The following ATG10 variants were observed in gnomAD, a reference collection of about 807,000 sequenced individuals.
The protein encoded by ATG10 is autophagy related 10, also known as ubiquitin-like-conjugating enzyme ATG10.
A neutral mutation model predicts 32.1 loss-of-function variants in ATG10; 30 were observed. The ratio of observed to expected loss-of-function variants is 0.94; its 90% CI spans 0.70 to 1.27. ATG10 has a LOEUF of 1.27. Ranked by LOEUF, ATG10 falls within the 50% of genes most tolerant of loss-of-function variation. The pLI is 0.00. For synonymous variants in ATG10, 87 were observed against 91.5 expected, an observed-to-expected ratio of 0.95 and a Z score of 0.28; for missense variants, 233 against 262.3, an observed-to-expected ratio of 0.89 and a Z score of 0.77.
intron 3 of ATG10, among the ~76,000 whole-genome samples, chr5:82,069,711 G>C (rs1764060354): frequency 6.6e-6 from 1 of 152,146 alleles, no homozygotes; most frequent in Admixed American, 6.6e-5. Flanking sequence ...AGCAATATTA[G>C]TATAAATATT....
chr5:82,199,676 A>G (rs563947415), intron 5 of ATG10, among the ~76,000 whole-genome samples: 1 of 152,322 alleles, frequency 6.6e-6, no homozygotes, highest in Non-Finnish European at 1.5e-5. Context: ...AAATTTACAT[A>G]CAGTAAAGTT....
At chr5:82,105,883 C>T (rs1765433033) in intron 3 of ATG10, among the ~76,000 whole-genome samples, 2 of 152,082 alleles carry the variant, frequency 1.3e-5, no homozygotes, top group African/African-American at 4.8e-5. Flanking sequence ...AAATGATTTC[C>T]AAGCTATGCA....
chr5:82,231,816 G>A (rs560357277), intron 5 of ATG10, among the ~76,000 whole-genome samples: 2 of 152,058 alleles, frequency 1.3e-5, no homozygotes, highest in South Asian at 4.2e-4. Flanking sequence ...GTAAGAAGCA[G>A]AAAGGAAAAA....
chr5:82,184,237 ACAGTAG>A (rs1744359808), intron 5 of ATG10, among the ~76,000 whole-genome samples: 1 of 151,922 alleles, frequency 6.6e-6, no homozygotes, highest in South Asian at 2.1e-4. Flanking sequence ...ATTAGAGGTT[ACAGTAG>A]CATCTACACA....
Position 82,208,360 on chromosome 5 carries a change from A to AATT in ATG10, c.453+29775_453+29776insTAT, listed in dbSNP as rs1239840178. On this transcript the variant is annotated intron_variant, in intron 5 of 7. Transcript: ENST00000282185. Reference sequence around the variant, plus strand: ...AATAATACCGGGACTTTGGTATTATAATAAGTTGGATCTAGAGGTCAATTC... The same window carrying AATT: ...AATAATACCGGGACTTTGGTATTATAATTATAAGTTGGATCTAGAGGTCAATTC... 2.0e-5 allele frequency among the ~76,000 whole-genome samples: 3 copies of AATT among 152,256 alleles called. No individual in the cohort carries two copies. In the East Asian group the frequency reaches 5.8e-4, roughly 29 times the overall value.
chr5:82,142,059 A>G (rs192717349), intron 3 of ATG10, among the ~76,000 whole-genome samples: 1 of 152,332 alleles, frequency 6.6e-6, no homozygotes, highest in Admixed American at 6.5e-5. Context: ...GTTACAGTGC[A>G]TATTCTGGAT....
At chr5:82,169,934 T>G (rs901489658) in intron 4 of ATG10, among the ~76,000 whole-genome samples, 1 of 152,226 alleles carries the variant, frequency 6.6e-6, no homozygotes, top group African/African-American at 2.4e-5. Flanking sequence ...AGAAGTCACA[T>G]GCTGGGTTAG....
At chr5:82,146,450 A>C (rs1202967283) in intron 3 of ATG10, among the ~76,000 whole-genome samples, 3 of 151,764 alleles carry the variant, frequency 2.0e-5, no homozygotes, top group African/African-American at 7.3e-5. Context: ...TGAGTCAGTA[A>C]ATTTATTTTT....
intron 3 of ATG10, among the ~76,000 whole-genome samples, chr5:82,086,564 A>G (rs115087066): frequency 1.2e-3 from 190 of 152,176 alleles, no homozygotes; most frequent in African/African-American, 4.2e-3. Context: ...CTTTTTCAGG[A>G]TAGTTGGACT....
intron 2 of ATG10, among the ~76,000 whole-genome samples, chr5:82,032,117 GT>G (rs1201121658): frequency 1.3e-5 from 2 of 152,192 alleles, no homozygotes; most frequent in Non-Finnish European, 2.9e-5. Flanking sequence ...AGAGACTCTG[GT>G]TAGTATAAGG....
chr5:82,010,539 G>A (rs973442408), intron 2 of ATG10, among the ~76,000 whole-genome samples: 5 of 152,126 alleles, frequency 3.3e-5, no homozygotes, highest in Non-Finnish European at 5.9e-5. Flanking sequence ...TCTTTAAGTC[G>A]ATCCATGATA....
At chr5:82,216,006 T>G (rs1745664109) in intron 5 of ATG10, among the ~76,000 whole-genome samples, 1 of 151,734 alleles carries the variant, frequency 6.6e-6, no homozygotes, top group South Asian at 2.1e-4. Context: ...AAGACCCAAA[T>G]ACAAGGGAGT....
At chr5:82,081,077 C>T (rs1236318777) in intron 3 of ATG10, among the ~76,000 whole-genome samples, 2 of 152,204 alleles carry the variant, frequency 1.3e-5, no homozygotes, top group African/African-American at 4.8e-5. Flanking sequence ...AGGTCCTTCA[C>T]ATCCCTTGTA....
At chr5:82,183,089 T>C (rs1744297538) in intron 5 of ATG10, among the ~76,000 whole-genome samples, 3 of 151,254 alleles carry the variant, frequency 2.0e-5, no homozygotes, top group Admixed American at 1.3e-4. Flanking sequence ...TACAACTATC[T>C]CAAAATAGTT....
chr5:82,090,191 A>T (rs1764835828), intron 3 of ATG10, among the ~76,000 whole-genome samples: 1 of 152,206 alleles, frequency 6.6e-6, no homozygotes, highest in African/African-American at 2.4e-5. Context: ...CACTCTGGAA[A>T]ACAATTTGGC....
At chr5:82,076,953 A>G (rs1014986211) in intron 3 of ATG10, among the ~76,000 whole-genome samples, 3 of 152,178 alleles carry the variant, frequency 2.0e-5, no homozygotes, top group African/African-American at 4.8e-5. Context: ...TTTGGTAGCC[A>G]TTGTAATTTG....
At chr5:82,061,508 G>A (rs1182419896) in intron 3 of ATG10, among the ~76,000 whole-genome samples, 3 of 151,650 alleles carry the variant, frequency 2.0e-5, no homozygotes, top group Non-Finnish European at 4.4e-5. Context: ...ACCCCATGGA[G>A]GTAAGATGAC....
rs756914785 is a variant in ATG10 at position 82,058,627 on chromosome 5, C to G, written c.216+25C>G. 25 of 1,467,152 alleles carry G rather than the reference C, an allele frequency of 1.7e-5. No individual in the cohort carries two copies. The South Asian group carries it at 2.0e-4, about 11-fold the overall frequency. 90.9% of individuals were successfully genotyped at this position (1,467,152 alleles called of 1,614,324 possible). A position where few individuals can be genotyped will look rare whatever the true frequency, so the allele number is the denominator to read the frequency against. On this transcript the variant is annotated intron_variant, in intron 3 of 7. Transcript: ENST00000282185. ...GGTGAGTAGTTTAATGCATCATGTTCTTTTCAGTCTCCGTAAAGTATACAT... is the reference window on the plus strand; with the variant it reads ...GGTGAGTAGTTTAATGCATCATGTTGTTTTCAGTCTCCGTAAAGTATACAT...
At chr5:81,996,287 C>T (rs1761661589) in intron 2 of ATG10, among the ~76,000 whole-genome samples, 1 of 152,160 alleles carries the variant, frequency 6.6e-6, no homozygotes, top group Admixed American at 6.5e-5. Flanking sequence ...TGCTGGAGTG[C>T]AGTGCAGTGG....
Sources: allele counts gnomAD v4.1 joint callset (sites outside exome capture counted in the v4.1 genomes callset), GRCh38; gene constraint gnomAD v4.1.1; transcripts MANE v1.5; gene names NCBI Gene and HGNC (gene_info 2026-07-23, HGNC 2026-07-21).